ZNF236: variants seen among roughly 807,000 people sequenced by gnomAD.
The protein encoded by ZNF236 is zinc finger protein 236, also known as regulated by glucose.
ZNF236 carries 50 observed loss-of-function variants against 191.2 expected under a neutral mutation model. That is an observed-to-expected ratio of 0.26 (90% CI 0.21 to 0.33). The LOEUF (loss-of-function observed/expected upper bound fraction) is 0.33, where lower values mean the gene tolerates loss of function less well. Among genes scored for constraint, ZNF236 ranks in the 10% least tolerant of loss-of-function variants. The pLI, the probability that ZNF236 is intolerant of heterozygous loss-of-function variation, is 1.00. For synonymous variants in ZNF236, 907 were observed against 928.8 expected (o/e 0.98, Z 0.43); for missense variants, 1,754 against 2,374.5 (o/e 0.74, Z 5.43).
At chr18:76,882,264 A>G (rs1395595804) in intron 9 of ZNF236, among the ~76,000 whole-genome samples, 2 of 152,140 alleles carry the variant, frequency 1.3e-5, no homozygotes, top group African/African-American at 4.8e-5. Context: ...CCGTCATTCA[A>G]GCATCTTCAG....
intron 25 of ZNF236, among the ~76,000 whole-genome samples, chr18:76,934,868 A>G (rs11873448): frequency 0.065 from 9,826 of 152,296 alleles, 1,039 homozygotes; most frequent in African/African-American, 0.22. Flanking sequence ...TTACAAAATT[A>G]TGTTTTCTTA....
chr18:76,940,416 A>G (rs922742868), intron 26 of ZNF236, among the ~76,000 whole-genome samples: 18 of 152,172 alleles, frequency 1.2e-4, no homozygotes, highest in African/African-American at 3.9e-4. Flanking sequence ...TGGGAACACA[A>G]TGACTGTCCT....
At chr18:76,958,084 A>G (rs1968565312) in intron 28 of ZNF236, among the ~76,000 whole-genome samples, 1 of 152,208 alleles carries the variant, frequency 6.6e-6, no homozygotes. Context: ...GGCTCTGCTG[A>G]GTCCCCACCA....
chr18:76,939,162 G>A lies in ZNF236; in HGVS notation c.4782+1819G>A, dbSNP rs144933128. ...GGCCTGGCCAACATGGGGAAACTCC[G>A]TCGCTACTAAAAATACAAAAATTAG... is the stretch of plus-strand genomic sequence containing the variant. On this transcript the variant is annotated intron_variant, in intron 26 of 30. Transcript: ENST00000320610. 4.7e-3 allele frequency among the ~76,000 whole-genome samples: 718 copies of A among 152,152 alleles called. 9 individuals carry two copies. The highest frequency in any genetic ancestry group is 0.016 in the African/African-American group (671 of 41,498).
rs1315333181 is a variant in ZNF236 at position 76,910,783 on chromosome 18, A to G, written c.2777A>G (p.Gln926Arg). The change falls in exon 16 of 31, where the codon CAG becomes CGG. Residue 926 changes from glutamine to arginine, a missense_variant. Gln to Arg is a conservative substitution (Grantham distance 43, BLOSUM62 1). This residue lies in a region of ZNF236 where 641 missense variants were observed against 869.6 expected (regional missense o/e 0.74). Coordinates refer to ENST00000320610, the MANE Select transcript of ZNF236 (RefSeq NM_001306089.2). ...STSFHQQSLL[Q>R]APSSDGMNVT... ...AGCTTCCACCAGCAGAGCTTGCTGC[A>G]GGCTCCCAGCTCTGATGGGATGAAT... The G allele has an allele frequency of 6.2e-7, 1 of 1,614,158 alleles. No homozygotes were observed. The highest frequency in any genetic ancestry group is 8.5e-7 in the Non-Finnish European group (1 of 1,180,008).
intron 26 of ZNF236, among the ~76,000 whole-genome samples, chr18:76,945,256 G>A (rs905932629): frequency 3.3e-5 from 5 of 152,156 alleles, no homozygotes; most frequent in Admixed American, 6.5e-5. Flanking sequence ...TGGTTCTTAT[G>A]TGCATCAGAA....
At chr18:76,829,834 T>A (rs1268086968) in intron 1 of ZNF236, among the ~76,000 whole-genome samples, 1 of 152,122 alleles carries the variant, frequency 6.6e-6, no homozygotes, top group African/African-American at 2.4e-5. Flanking sequence ...CGCACTGTCC[T>A]GGCTTCTGAT....
chr18:76,925,247 G>A lies in ZNF236; in HGVS notation c.3720G>A (p.Leu1240=), dbSNP rs762222057. 37 of 1,614,218 alleles carry A rather than the reference G, an allele frequency of 2.3e-5. No individual in the cohort carries two copies. The East Asian group carries it at 7.8e-4, about 34-fold the overall frequency. The change falls in exon 22 of 31, where the codon CTG becomes CTA. Residue 1240 remains leucine (L), a synonymous_variant. Coordinates refer to ENST00000320610, the MANE Select transcript of ZNF236 (RefSeq NM_001306089.2). The surrounding 1 kb of genome is among the most constrained non-coding windows in gnomAD (Gnocchi z 5.7). ...ACGCCTTCTCCACGAAGGGAAGTCT[G>A]AAGGTCCACATGCGCCTGCACACGG... is the stretch of plus-strand genomic sequence containing the variant. ...CSNAFSTKGS[L]KVHMRLHTGA...
intron 25 of ZNF236, chr18:76,936,321 T>C: frequency 2.2e-6 from 1 of 456,670 alleles, no homozygotes; most frequent in South Asian, 1.5e-5. Flanking sequence ...TGTGCGTGTG[T>C]GTGCCCATGT....
At chr18:76,857,309 TC>T (rs1976071172) in intron 3 of ZNF236, among the ~76,000 whole-genome samples, 1 of 142,288 alleles carries the variant, frequency 7.0e-6, no homozygotes, top group Admixed American at 7.1e-5. Flanking sequence ...CCCATGGTCT[TC>T]CTGTCCAACA....
chr18:76,939,476 C>T (rs1350506244), intron 26 of ZNF236, among the ~76,000 whole-genome samples: 1 of 152,298 alleles, frequency 6.6e-6, no homozygotes, highest in South Asian at 2.1e-4. Context: ...CACTGTATCT[C>T]AGGGCCTAGT....
intron 1 of ZNF236, among the ~76,000 whole-genome samples, chr18:76,833,262 G>A (rs1360142677): frequency 6.6e-6 from 1 of 152,196 alleles, no homozygotes. Flanking sequence ...CGGTGAATAA[G>A]GGACATTCTT....
chr18:76,898,877 A>T, intron 10 of ZNF236, 142 bp from the exon 11 acceptor site: 1 of 708,670 alleles, frequency 1.4e-6, no homozygotes, highest in Non-Finnish European at 2.3e-6. Flanking sequence ...AAAATAATTT[A>T]CAATATCCAT....
At chr18:76,885,352 G>A (rs1240660711) in intron 9 of ZNF236, 2 of 152,474 alleles carry the variant, frequency 1.3e-5, no homozygotes, top group African/African-American at 2.4e-5. Flanking sequence ...TGGGGGCAAT[G>A]CACTTATAAA....
chr18:76,825,050 G>C (rs144283199), intron 1 of ZNF236, among the ~76,000 whole-genome samples: 2 of 152,196 alleles, frequency 1.3e-5, no homozygotes, highest in Admixed American at 6.5e-5. Context: ...CCTGTTGATC[G>C]GGCCTTGTCT....
rs1426471301 is a variant in ZNF236, at chr18:76,959,711, G to A, written c.5137G>A (p.Gly1713Ser). The part of the protein sequence containing the change: ...LKEHMQTHQA[G>S]PSLSSQKPRV... ...GGAGCACATGCAGACACACCAGGCC[G>A]GCCCCTCTTTGAGCTCCCAGAAGCC... Residue 1713 changes from glycine to serine, a missense_variant, in exon 29 of 31, where the codon GGC becomes AGC. Physicochemically the swap from Gly to Ser is moderately conservative, Grantham distance 56. Around this residue, in one of 5 missense-constraint regions of ZNF236, gnomAD observed 606 missense variants for 761.5 expected, o/e 0.80. Transcript: ENST00000320610. The A allele has an allele frequency of 4.3e-6, 7 of 1,613,306 alleles. No homozygotes were observed. The highest frequency in any genetic ancestry group is 1.1e-5 in the South Asian group (1 of 90,908).
intron 1 of ZNF236, among the ~76,000 whole-genome samples, chr18:76,839,109 C>A (rs1325891374): frequency 6.6e-6 from 1 of 152,244 alleles, no homozygotes; most frequent in African/African-American, 2.4e-5. Flanking sequence ...TCTCCTCCAA[C>A]ATATTTGCCC....
intron 9 of ZNF236, among the ~76,000 whole-genome samples, chr18:76,893,645 C>G (rs1237629660): frequency 6.6e-6 from 1 of 152,074 alleles, no homozygotes; most frequent in African/African-American, 2.4e-5. Flanking sequence ...GTAGCTGGAA[C>G]CACAGGCATG....
In ZNF236 at chr18:76,875,647, C is replaced by G. The variant is rs1371287290; in HGVS notation, c.823C>G (p.Gln275Glu). The stretch of plus-strand genomic sequence containing the variant: ...GAAAGGGAATCTTCAGTCGCACGTG[C>G]AGCGAGTCCACTCAGAGGTAAACAC... ...SQKGNLQSHV[Q>E]RVHSEVKNGP... Residue 275 changes from glutamine to glutamate, a missense_variant, in exon 6 of 31, where the codon CAG (glutamine) becomes GAG (glutamate). Transcript: ENST00000320610. The surrounding 1 kb of genome is among the most constrained non-coding windows in gnomAD (Gnocchi z 4.3). The G allele has an allele frequency of 1.2e-5, 19 of 1,590,688 alleles. No individual in the cohort carries two copies. Among genetic ancestry groups the G allele is most frequent in the Non-Finnish European group, 1.6e-5 (19 of 1,166,638 alleles).
Sources: gnomAD v4.1 joint callset for allele counts (sites outside exome capture counted in the v4.1 genomes callset) on GRCh38, gnomAD v4.1.1 for gene constraint, gnomAD v4.1.1 regional missense constraint, Gnocchi (gnomAD v3.1) non-coding constraint, MANE v1.5 for transcripts, NCBI Gene and HGNC (gene_info 2026-07-23, HGNC 2026-07-21) for gene names.